Variants in MMRN1 observed in about 807,000 individuals in gnomAD.
The protein encoded by MMRN1 is multimerin 1.
In MMRN1, 94 loss-of-function variants were observed where a neutral mutation model predicts 100.7. That is an observed-to-expected ratio of 0.93 (90% confidence interval 0.79 to 1.11). MMRN1 has a LOEUF of 1.11. Among genes scored for constraint, MMRN1 ranks in the 50% least tolerant of loss-of-function variants. The probability of loss-of-function intolerance (pLI) is 0.00; values close to 1 mark genes in which losing one functional copy is unlikely to be tolerated. For missense variants in MMRN1, 1,606 were observed against 1,439.1 expected (o/e 1.12, Z -1.88); for synonymous variants, 575 against 505.0 (o/e 1.14, Z -1.86).
At chr4:89,898,474 G>A (rs1436331406) in intron 1 of MMRN1, among the ~76,000 whole-genome samples, 1 of 151,888 alleles carries the variant, frequency 6.6e-6, no homozygotes, top group Non-Finnish European at 1.5e-5. Context: ...CTTATCACAA[G>A]TGGGAAGATA....
intron 3 of MMRN1, among the ~76,000 whole-genome samples, chr4:89,915,464 C>T (rs1014017540): frequency 1.2e-4 from 18 of 151,588 alleles, no homozygotes; most frequent in African/African-American, 4.1e-4. Flanking sequence ...CCTCAAGCCA[C>T]ACAGGAAGGT....
At chr4:89,895,721 T>C (rs1475957587) in intron 1 of MMRN1, 127 bp downstream of exon 1, 19 of 1,400,142 alleles carry the variant, frequency 1.4e-5, no homozygotes, top group Non-Finnish European at 1.7e-5. Flanking sequence ...ATTTATAATT[T>C]CACCATTTCA....
chr4:89,887,557 T>C (rs1383656163), intron 1 of MMRN1, among the ~76,000 whole-genome samples: 2 of 152,078 alleles, frequency 1.3e-5, no homozygotes, highest in African/African-American at 4.8e-5. Flanking sequence ...TTATATTCAG[T>C]ATTATGTGTT....
At chr4:89,929,207 C>T (rs911793166) in intron 5 of MMRN1, among the ~76,000 whole-genome samples, 3 of 151,596 alleles carry the variant, frequency 2.0e-5, no homozygotes, top group African/African-American at 4.8e-5. Context: ...TGTTTTTTTT[C>T]CTTTTGCTTT....
chr4:89,894,671 T>C, upstream of MMRN1: 1 of 237,270 alleles, frequency 4.2e-6, no homozygotes, highest in Non-Finnish European at 8.1e-6. Context: ...ACTTCATATT[T>C]TTTCATGGGT....
chr4:89,927,698 C>G, intron 4 of MMRN1, 97 bp from the exon 5 acceptor site: 1 of 1,086,848 alleles, frequency 9.2e-7, no homozygotes, highest in Non-Finnish European at 1.3e-6. Flanking sequence ...CTCCAGCTTA[C>G]AGAAGAAAGG....
chr4:89,898,174 G>A (rs189804705), intron 1 of MMRN1, among the ~76,000 whole-genome samples: 5 of 152,108 alleles, frequency 3.3e-5, no homozygotes, highest in Admixed American at 2.0e-4. Context: ...GAAGTCCTTC[G>A]TACTTTCATT....
intron 2 of MMRN1, 32 bp from the exon 3 acceptor site, chr4:89,911,912 A>C (rs749835502): frequency 1.4e-6 from 2 of 1,405,554 alleles, no homozygotes; most frequent in Admixed American, 3.6e-5. Flanking sequence ...GAAACAAATA[A>C]TCGATTTCCC....
At chr4:89,882,419 T>C (rs533147603) in intron 1 of MMRN1, among the ~76,000 whole-genome samples, 1 of 151,816 alleles carries the variant, frequency 6.6e-6, no homozygotes, top group South Asian at 2.1e-4. Flanking sequence ...TAAGAGGACA[T>C]GAATGAAGAC....
intron 1 of MMRN1, among the ~76,000 whole-genome samples, chr4:89,899,895 A>G (rs114604716): frequency 1.8e-3 from 269 of 152,040 alleles, no homozygotes; most frequent in African/African-American, 6.2e-3. Flanking sequence ...ACTCTTGTCT[A>G]CCATAATCCA....
upstream of MMRN1, among the ~76,000 whole-genome samples, chr4:89,892,612 C>A (rs1407002456): frequency 6.6e-6 from 1 of 151,722 alleles, no homozygotes. Flanking sequence ...AGTTAAAGTG[C>A]AAGATGGCTT....
intron 6 of MMRN1, among the ~76,000 whole-genome samples, chr4:89,946,829 T>A (rs1722998817): frequency 6.6e-6 from 1 of 152,186 alleles, no homozygotes; most frequent in South Asian, 2.1e-4. Flanking sequence ...TTGAAATTTA[T>A]AAATGAAATA....
At chr4:89,905,841 C>G (rs1721550151) in intron 1 of MMRN1, among the ~76,000 whole-genome samples, 1 of 151,466 alleles carries the variant, frequency 6.6e-6, no homozygotes, top group Non-Finnish European at 1.5e-5. Flanking sequence ...AATGAACATC[C>G]TCAGGACTTG....
intron 1 of MMRN1, among the ~76,000 whole-genome samples, chr4:89,903,034 G>A (rs1189379312): frequency 6.6e-6 from 1 of 151,730 alleles, no homozygotes; most frequent in Non-Finnish European, 1.5e-5. Context: ...TTGTCTTTTG[G>A]ACTTTTAGCC....
In MMRN1 at chr4:89,954,460, A is replaced by G. The variant is rs1723284281; in HGVS notation, c.*1042A>G. On this transcript the variant is annotated 3_prime_UTR_variant, in exon 8 of 8. Transcript: ENST00000264790. ...CCACAGATGTGCTAAAATTTATTTA[A>G]CTAATCCTTTATCCTCTATTTGTGT... The G allele has an allele frequency of 6.6e-6, 1 of 152,158 alleles. No individual in the cohort carries two copies. Among genetic ancestry groups the G allele is most frequent in the Non-Finnish European group, 1.5e-5 (1 of 68,022 alleles). 9.4% of individuals were successfully genotyped at this position (152,158 alleles called of 1,614,324 possible). A position where few individuals can be genotyped will look rare whatever the true frequency, so the allele number is the denominator to read the frequency against.
chr4:89,896,750 T>C (rs1216458985), intron 1 of MMRN1, among the ~76,000 whole-genome samples: 2 of 152,290 alleles, frequency 1.3e-5, no homozygotes, highest in African/African-American at 4.8e-5. Context: ...GAGACACTGG[T>C]AAGAATTCTA....
At chr4:89,904,518 T>C (rs1721497663) in intron 1 of MMRN1, among the ~76,000 whole-genome samples, 2 of 151,956 alleles carry the variant, frequency 1.3e-5, no homozygotes, top group Middle Eastern at 3.4e-3. Flanking sequence ...AAGTACATCA[T>C]ATAAGTGAAA....
intron 1 of MMRN1, among the ~76,000 whole-genome samples, chr4:89,904,687 T>C (rs1198163836): frequency 6.6e-6 from 1 of 151,714 alleles, no homozygotes; most frequent in Non-Finnish European, 1.5e-5. Flanking sequence ...CATCTGTCAA[T>C]GGACACTTGA....
rs1234334741 is a variant in MMRN1, at chr4:89,895,403, C to A, written c.432C>A (p.Ser144Arg). The change falls in exon 1 of 8, where the codon AGC becomes AGA. Residue 144 changes from serine (S) to arginine (R), a missense_variant. Transcript: ENST00000264790. ...ATTCTACACTGAAATTTCTTCAGAG[C>A]TTTGCCAGAAAGTCAAATGAACAAG... ...LSNSTLKFLQ[S>R]FARKSNEQAT... The A allele has an allele frequency of 1.2e-6, 2 of 1,613,766 alleles. No individual in the cohort carries two copies. The highest frequency in any genetic ancestry group is 1.7e-6 in the Non-Finnish European group (2 of 1,179,928).
Sources: gnomAD v4.1 joint callset for allele counts (sites outside exome capture counted in the v4.1 genomes callset) on GRCh38, gnomAD v4.1.1 for gene constraint, MANE v1.5 for transcripts, NCBI Gene and HGNC (gene_info 2026-07-23, HGNC 2026-07-21) for gene names.